GRIN2B: variants seen among roughly 807,000 people sequenced by gnomAD.
The protein encoded by GRIN2B is glutamate ionotropic receptor NMDA type subunit 2B.
Under a neutral mutation model 114.5 loss-of-function variants are expected in GRIN2B, and 5 were observed. The ratio of observed to expected loss-of-function variants is 0.04; its 90% CI spans 0.02 to 0.09. The LOEUF (loss-of-function observed/expected upper bound fraction) is 0.09, where lower values mean the gene tolerates loss of function less well. GRIN2B is among the 10% of genes least tolerant of loss of function. GRIN2B has a pLI of 1.00. For synonymous variants in GRIN2B, 787 were observed against 745.1 expected (o/e 1.06, Z -0.92); for missense variants, 1,108 against 1,943.5 (o/e 0.57, Z 8.08).
At chr12:13,670,321 A>G (rs547233482) in intron 5 of GRIN2B, 2 of 152,268 alleles carry the variant, frequency 1.3e-5, no homozygotes, top group East Asian at 3.9e-4. Context: ...GAGTGGGCTT[A>G]TAAAACACCC....
chr12:13,912,954 G>A (rs764355566), intron 2 of GRIN2B, among the ~76,000 whole-genome samples: 3 of 152,054 alleles, frequency 2.0e-5, no homozygotes, highest in Non-Finnish European at 2.9e-5. Flanking sequence ...TAGAATTGTA[G>A]TCCCATACCT....
chr12:13,868,789 A>C (rs1445423828), intron 2 of GRIN2B, among the ~76,000 whole-genome samples: 1 of 152,210 alleles, frequency 6.6e-6, no homozygotes, highest in Non-Finnish European at 1.5e-5. Flanking sequence ...ATCTGGTTTT[A>C]CAGAGCATCT....
intron 3 of GRIN2B, among the ~76,000 whole-genome samples, chr12:13,791,390 T>G (rs1864317596): frequency 6.7e-6 from 1 of 149,908 alleles, no homozygotes; most frequent in Admixed American, 6.8e-5. Context: ...AGGCGGAGCT[T>G]GCAGTGAGCC....
intron 10 of GRIN2B, among the ~76,000 whole-genome samples, chr12:13,575,532 G>A (rs11611572): frequency 0.085 from 12,888 of 151,918 alleles, 624 homozygotes; most frequent in African/African-American, 0.12. Context: ...GGTGGCATGC[G>A]CTTCTAGTCC....
intron 4 of GRIN2B, among the ~76,000 whole-genome samples, chr12:13,737,804 A>T (rs1199560665): frequency 6.6e-6 from 1 of 152,260 alleles, no homozygotes; most frequent in East Asian, 1.9e-4. Context: ...GCACTTTAAC[A>T]ATAGTAATAA....
chr12:13,627,076 A>G (rs959156480), intron 5 of GRIN2B, among the ~76,000 whole-genome samples: 1 of 151,988 alleles, frequency 6.6e-6, no homozygotes, highest in African/African-American at 2.4e-5. Flanking sequence ...AATATGTAAA[A>G]TTCAGAAGCC....
At chr12:13,918,752 T>C (rs1485381978) in intron 2 of GRIN2B, among the ~76,000 whole-genome samples, 2 of 152,246 alleles carry the variant, frequency 1.3e-5, no homozygotes, top group African/African-American at 4.8e-5. Flanking sequence ...CATTATGAAG[T>C]TGAGGTCTCT....
At chr12:13,843,042 TTTA>T (rs1865409796) in intron 3 of GRIN2B, among the ~76,000 whole-genome samples, 3 of 146,724 alleles carry the variant, frequency 2.0e-5, no homozygotes, top group African/African-American at 4.9e-5. Flanking sequence ...TATTTATTTA[TTTA>T]TTTATTTATA....
intron 2 of GRIN2B, among the ~76,000 whole-genome samples, chr12:13,927,441 C>T (rs1866937492): frequency 6.6e-6 from 1 of 152,110 alleles, no homozygotes; most frequent in Non-Finnish European, 1.5e-5. Flanking sequence ...TCTGTCATAG[C>T]TATTCGACTT....
At chr12:13,669,374 T>C (rs944154152) in intron 5 of GRIN2B, among the ~76,000 whole-genome samples, 1 of 152,058 alleles carries the variant, frequency 6.6e-6, no homozygotes, top group Admixed American at 6.6e-5. Context: ...CCAATTCCCA[T>C]AGCCTTTCTC....
chr12:13,881,014 G>A (rs1309772408), intron 2 of GRIN2B, among the ~76,000 whole-genome samples: 1 of 119,268 alleles, frequency 8.4e-6, no homozygotes, highest in East Asian at 2.0e-4. Context: ...GTGTGTGTGT[G>A]CGCGTGCGCG....
At chr12:13,692,760 C>CTTTCTTTCTTTTTT (rs1427827056) in intron 4 of GRIN2B, among the ~76,000 whole-genome samples, 2 of 52,134 alleles carry the variant, frequency 3.8e-5, no homozygotes, top group African/African-American at 1.9e-4. Flanking sequence ...TCTTTCTTTT[C>CTTTCTTTCTTTTTT]TTTTTTTTTT....
At chr12:13,780,556 A>G (rs1338297031) in intron 3 of GRIN2B, among the ~76,000 whole-genome samples, 1 of 152,246 alleles carries the variant, frequency 6.6e-6, no homozygotes, top group Non-Finnish European at 1.5e-5. Flanking sequence ...AAATGGGAAC[A>G]TTAATGACTG....
chr12:13,744,848 C>G (rs2136619955), intron 4 of GRIN2B, among the ~76,000 whole-genome samples: 1 of 152,322 alleles, frequency 6.6e-6, no homozygotes, highest in African/African-American at 2.4e-5. Context: ...CCAAAAATTT[C>G]TGAAAGCCGA....
chr12:13,656,944 C>G (rs933941440), intron 5 of GRIN2B, among the ~76,000 whole-genome samples: 1 of 152,118 alleles, frequency 6.6e-6, no homozygotes, highest in African/African-American at 2.4e-5. Flanking sequence ...GATGGCAAAG[C>G]CAAGACATGA....
At chr12:13,858,878 G>T (rs1865707038) in intron 3 of GRIN2B, among the ~76,000 whole-genome samples, 1 of 152,180 alleles carries the variant, frequency 6.6e-6, no homozygotes, top group Non-Finnish European at 1.5e-5. Flanking sequence ...CACCAAAGAG[G>T]TGGAACCTAC....
chr12:13,847,040 G>A (rs1865483779), intron 3 of GRIN2B, among the ~76,000 whole-genome samples: 2 of 152,174 alleles, frequency 1.3e-5, no homozygotes, highest in South Asian at 4.2e-4. Flanking sequence ...CTGAGGCAGA[G>A]AAGAGTTAAG....
intron 4 of GRIN2B, among the ~76,000 whole-genome samples, chr12:13,737,622 G>A (rs1300417602): frequency 4.6e-5 from 7 of 152,194 alleles, no homozygotes; most frequent in East Asian, 3.9e-4. Flanking sequence ...CCTTAAGGAC[G>A]TGATACAAAA....
chr12:13,853,923 T>C (rs527282296), intron 3 of GRIN2B, among the ~76,000 whole-genome samples: 15 of 152,346 alleles, frequency 9.8e-5, no homozygotes, highest in African/African-American at 3.4e-4. Context: ...GTTCTGGTGA[T>C]ACAAAAATGA....
Sources: gnomAD v4.1 joint callset for allele counts (sites outside exome capture counted in the v4.1 genomes callset) on GRCh38, gnomAD v4.1.1 for gene constraint, MANE v1.5 for transcripts, NCBI Gene and HGNC (gene_info 2026-07-23, HGNC 2026-07-21) for gene names.